The following SLC8A1 variants were observed in gnomAD, a reference collection of about 807,000 sequenced individuals.
The protein encoded by SLC8A1 is solute carrier family 8 member A1.
A neutral mutation model predicts 68.3 loss-of-function variants in SLC8A1; 18 were observed. The ratio of observed to expected loss-of-function variants is 0.26; its 90% CI spans 0.18 to 0.39. SLC8A1 has a LOEUF of 0.39. Among genes scored for constraint, SLC8A1 ranks in the 10% least tolerant of loss-of-function variants. The pLI, the probability that SLC8A1 is intolerant of heterozygous loss-of-function variation, is 1.00. For synonymous variants in SLC8A1, 475 were observed against 415.5 expected (o/e 1.14, Z -1.74); for missense variants, 985 against 1,156.7 (o/e 0.85, Z 2.15).
At chr2:40,172,080 T>G (rs1274525340) in intron 4 of SLC8A1, among the ~76,000 whole-genome samples, 3 of 152,232 alleles carry the variant, frequency 2.0e-5, no homozygotes, top group Admixed American at 6.5e-5. Context: ...CTAGATTAAT[T>G]CTTCTTACTG....
At chr2:40,453,117 G>A (rs1038292194), upstream of SLC8A1, 2 of 152,158 alleles carry the variant, frequency 1.3e-5, no homozygotes, top group Middle Eastern at 3.2e-3. Context: ...TAGACCTACT[G>A]TGGAGTTCAC....
At chr2:40,254,718 A>C (rs1252484932) in intron 2 of SLC8A1, 1 of 152,236 alleles carries the variant, frequency 6.6e-6, no homozygotes, top group African/African-American at 2.4e-5. Context: ...CAATTATCAG[A>C]TCCACCAAAC....
At chr2:40,178,900 T>C (rs982765060) in intron 2 of SLC8A1, among the ~76,000 whole-genome samples, 1 of 152,182 alleles carries the variant, frequency 6.6e-6, no homozygotes, top group Admixed American at 6.5e-5. Context: ...AAAAATCCCA[T>C]CAAGATATTA....
At chr2:40,150,206 G>A (rs183639329) in intron 6 of SLC8A1, among the ~76,000 whole-genome samples, 117 of 152,258 alleles carry the variant, frequency 7.7e-4, no homozygotes, top group African/African-American at 2.6e-3. Context: ...AGAAGCATGC[G>A]GTGGGATGTA....
At chr2:40,466,081 T>G (rs1703652438) in intron 1 of SLC8A1, among the ~76,000 whole-genome samples, 1 of 152,150 alleles carries the variant, frequency 6.6e-6, no homozygotes. Context: ...AATAAATGTC[T>G]GTTCTCTATA....
At chr2:40,172,915 C>G (rs949802260) in intron 4 of SLC8A1, among the ~76,000 whole-genome samples, 1 of 152,118 alleles carries the variant, frequency 6.6e-6, no homozygotes, top group African/African-American at 2.4e-5. Flanking sequence ...GTACTCCAGC[C>G]TGGCAACAGA....
At chr2:40,170,388 T>A in intron 4 of SLC8A1, 39 bp from the exon 7 acceptor site, 1 of 1,539,516 alleles carries the variant, frequency 6.5e-7, no homozygotes, top group South Asian at 1.1e-5. Context: ...CAGAATGGAT[T>A]GCATTGATTT....
intron 2 of SLC8A1, chr2:40,220,121 G>T (rs567258661): frequency 1.6e-4 from 24 of 147,788 alleles, no homozygotes; most frequent in African/African-American, 5.0e-4. Context: ...ATGAAAAGGA[G>T]AATAATTGTT....
At chr2:40,409,987 G>C (rs146783500) in intron 2 of SLC8A1, among the ~76,000 whole-genome samples, 1 of 151,792 alleles carries the variant, frequency 6.6e-6, no homozygotes, top group Non-Finnish European at 1.5e-5. Flanking sequence ...GAGCAACCAC[G>C]GACTAAGAGT....
At chr2:40,423,300 A>G (rs977643890) in intron 2 of SLC8A1, among the ~76,000 whole-genome samples, 1 of 152,094 alleles carries the variant, frequency 6.6e-6, no homozygotes, top group Non-Finnish European at 1.5e-5. Flanking sequence ...AAAATATTTT[A>G]TCTAAAATCA....
exon 8 of SLC8A1, chr2:40,114,193 AT>A (rs1476639319): frequency 1.3e-5 from 2 of 152,784 alleles, no homozygotes; most frequent in African/African-American, 4.8e-5. Context: ...TCACAACAAC[AT>A]TTCCGAACGG....
At chr2:40,381,032 T>C (rs944501264) in intron 2 of SLC8A1, among the ~76,000 whole-genome samples, 1 of 152,052 alleles carries the variant, frequency 6.6e-6, no homozygotes, top group Non-Finnish European at 1.5e-5. Flanking sequence ...TTAGGATTGG[T>C]CAATTCCCCA....
intron 2 of SLC8A1, among the ~76,000 whole-genome samples, chr2:40,364,926 T>A (rs1159308237): frequency 6.6e-6 from 1 of 151,960 alleles, no homozygotes; most frequent in African/African-American, 2.4e-5. Flanking sequence ...AGGTAACAGA[T>A]GGAAGACAAA....
chr2:40,123,771 GA>G, intron 7 of SLC8A1, among the ~76,000 whole-genome samples: 1 of 152,036 alleles, frequency 6.6e-6, no homozygotes. Context: ...TTTTGAAAAG[GA>G]AAAAAGCAAG....
At chr2:40,228,632 C>T (rs392953) in intron 2 of SLC8A1, among the ~76,000 whole-genome samples, 111,126 of 152,126 alleles carry the variant, frequency 0.73, 41,364 homozygotes, top group Middle Eastern at 0.84. Context: ...AACTCCATTA[C>T]TGCCATATTC....
chr2:40,115,411 C>A, exon 8 of SLC8A1: 2 of 1,614,166 alleles, frequency 1.2e-6, no homozygotes, highest in Non-Finnish European at 1.7e-6. Flanking sequence ...AGCACCCCCA[C>A]ATTGATGAAA....
intron 1 of SLC8A1, among the ~76,000 whole-genome samples, chr2:40,504,114 C>G (rs1706214651): frequency 6.6e-6 from 1 of 151,906 alleles, no homozygotes; most frequent in Non-Finnish European, 1.5e-5. Context: ...GACACATAGA[C>G]CAATGGAACA....
At chr2:40,378,236 G>C (rs974890959) in intron 2 of SLC8A1, among the ~76,000 whole-genome samples, 5 of 152,104 alleles carry the variant, frequency 3.3e-5, no homozygotes, top group African/African-American at 1.2e-4. Context: ...AAGGACATGG[G>C]AGCTGCAATT....
intron 2 of SLC8A1, among the ~76,000 whole-genome samples, chr2:40,246,825 A>T (rs535951799): frequency 1.3e-5 from 2 of 152,172 alleles, no homozygotes; most frequent in South Asian, 2.1e-4. Flanking sequence ...CCTCAGAGGA[A>T]TTTTTTTTAT....
Sources: allele counts gnomAD v4.1 joint callset (sites outside exome capture counted in the v4.1 genomes callset), GRCh38; gene constraint gnomAD v4.1.1; transcripts MANE v1.5; gene names NCBI Gene and HGNC (gene_info 2026-07-23, HGNC 2026-07-21).